The following ROBO2 variants were observed in gnomAD, a reference collection of about 807,000 sequenced individuals.
ROBO2 encodes the protein roundabout homolog 2.
A neutral mutation model predicts 160.8 loss-of-function variants in ROBO2; 53 were observed. That is an observed-to-expected ratio of 0.33 (90% CI 0.26 to 0.41). The LOEUF (loss-of-function observed/expected upper bound fraction) is 0.41, where lower values mean the gene tolerates loss of function less well. Among genes scored for constraint, ROBO2 ranks in the 10% least tolerant of loss-of-function variants. ROBO2 has a pLI of 1.00. For missense variants in ROBO2, 1,577 were observed against 1,722.4 expected (o/e 0.92, Z 1.49); for synonymous variants, 664 against 611.7 (o/e 1.09, Z -1.26).
At chr3:76,969,619 T>C (rs1301346283) in intron 2 of ROBO2, among the ~76,000 whole-genome samples, 2 of 152,302 alleles carry the variant, frequency 1.3e-5, no homozygotes, top group East Asian at 1.9e-4. Flanking sequence ...GGCCACATGC[T>C]GGTTTTCTCT....
intron 5 of ROBO2, among the ~76,000 whole-genome samples, chr3:77,508,482 T>C (rs2088901956): frequency 6.7e-6 from 1 of 148,940 alleles, no homozygotes; most frequent in Non-Finnish European, 1.5e-5. Context: ...AATATATAAA[T>C]ATATTTAAAT....
intron 2 of ROBO2, among the ~76,000 whole-genome samples, chr3:76,099,293 G>A (rs770207206): frequency 6.6e-6 from 1 of 151,852 alleles, no homozygotes; most frequent in Non-Finnish European, 1.5e-5. Context: ...GACAGAATTA[G>A]TATTTAAGGA....
At chr3:77,368,226 T>C (rs1264631562) in intron 2 of ROBO2, among the ~76,000 whole-genome samples, 1 of 143,704 alleles carries the variant, frequency 7.0e-6, no homozygotes, top group East Asian at 2.1e-4. Flanking sequence ...TTTTTTCTTA[T>C]TGAAATTATT....
At chr3:76,787,994 G>T (rs1289016478) in intron 2 of ROBO2, among the ~76,000 whole-genome samples, 1 of 151,256 alleles carries the variant, frequency 6.6e-6, no homozygotes, top group Non-Finnish European at 1.5e-5. Flanking sequence ...GTTGAGAACA[G>T]CTTAGAACAA....
chr3:76,733,959 C>T (rs925635528), intron 2 of ROBO2, among the ~76,000 whole-genome samples: 3 of 152,094 alleles, frequency 2.0e-5, no homozygotes, highest in Admixed American at 1.3e-4. Flanking sequence ...TGAAGGAAAC[C>T]AGAAAGAGCA....
chr3:76,065,486 T>C (rs913604798), intron 2 of ROBO2, among the ~76,000 whole-genome samples: 1 of 152,022 alleles, frequency 6.6e-6, no homozygotes, highest in African/African-American at 2.4e-5. Context: ...TAATTAACTG[T>C]ATTTTGCACT....
intron 2 of ROBO2, among the ~76,000 whole-genome samples, chr3:76,578,344 T>C (rs1441644521): frequency 6.6e-6 from 1 of 152,152 alleles, no homozygotes; most frequent in African/African-American, 2.4e-5. Flanking sequence ...TACTCTCCTG[T>C]CTTGGGTCTC....
At chr3:77,409,114 T>TAC (rs1432182242) in intron 2 of ROBO2, among the ~76,000 whole-genome samples, 1 of 148,186 alleles carries the variant, frequency 6.7e-6, no homozygotes, top group Non-Finnish European at 1.5e-5. Flanking sequence ...TATATATATA[T>TAC]ATATATATAG....
chr3:76,332,009 A>G (rs2073527195), intron 2 of ROBO2, among the ~76,000 whole-genome samples: 1 of 152,208 alleles, frequency 6.6e-6, no homozygotes, highest in Non-Finnish European at 1.5e-5. Flanking sequence ...TTAAACTAAT[A>G]GAAGATTTGT....
chr3:76,186,341 C>T (rs1701761952), intron 2 of ROBO2, among the ~76,000 whole-genome samples: 1 of 152,052 alleles, frequency 6.6e-6, no homozygotes, highest in Non-Finnish European at 1.5e-5. Context: ...TAATTTCTAT[C>T]TCCTTCCCCC....
intron 1 of ROBO2, among the ~76,000 whole-genome samples, chr3:75,920,946 C>T (rs1947016708): frequency 6.6e-6 from 1 of 151,768 alleles, no homozygotes. Context: ...GATGGGTCTC[C>T]TGAATACAGC....
In ROBO2 at chr3:76,684,627, A is replaced by T. The variant is rs180708385; in HGVS notation, c.110-413387A>T. ...ATGCATAAAAATTCTGTCATAAAAC[A>T]TAGAACTGTATTCTACTTCCAAGAA... On this transcript the variant is annotated intron_variant, in intron 2 of 26. Transcript: ENST00000487694. 3.8e-4 allele frequency among the ~76,000 whole-genome samples: 58 copies of T among 152,292 alleles called. 1 individual carries two copies. Among genetic ancestry groups the T allele is most frequent in the African/African-American group, 1.3e-3 (55 of 41,578 alleles).
intron 2 of ROBO2, among the ~76,000 whole-genome samples, chr3:76,342,886 C>T (rs1357131353): frequency 6.6e-6 from 1 of 152,168 alleles, no homozygotes; most frequent in Admixed American, 6.6e-5. Flanking sequence ...ATTAGTGACA[C>T]AGTTGTTTGA....
At chr3:77,083,216 C>T (rs1049941259) in intron 1 of ROBO2, among the ~76,000 whole-genome samples, 5 of 152,146 alleles carry the variant, frequency 3.3e-5, no homozygotes, top group African/African-American at 7.2e-5. Context: ...GACCTCATGG[C>T]AGCCTGAGTA....
intron 2 of ROBO2, among the ~76,000 whole-genome samples, chr3:77,450,804 T>C (rs1193300531): frequency 6.6e-6 from 1 of 152,042 alleles, no homozygotes; most frequent in Non-Finnish European, 1.5e-5. Context: ...TTGTTAGGTA[T>C]TGTATATGCA....
At chr3:77,539,120 A>T (rs866309892) in intron 6 of ROBO2, among the ~76,000 whole-genome samples, 2 of 152,084 alleles carry the variant, frequency 1.3e-5, no homozygotes. Context: ...AGGTTTCACC[A>T]TGTTGCCCAG....
intron 2 of ROBO2, among the ~76,000 whole-genome samples, chr3:76,890,705 C>G (rs1264064692): frequency 6.6e-6 from 1 of 152,154 alleles, no homozygotes; most frequent in East Asian, 1.9e-4. Flanking sequence ...TTGCCACTTA[C>G]TGGACACTCC....
chr3:76,942,889 CTA>C (rs2078284703), intron 2 of ROBO2, among the ~76,000 whole-genome samples: 1 of 152,028 alleles, frequency 6.6e-6, no homozygotes, highest in African/African-American at 2.4e-5. Context: ...TTATTGAATA[CTA>C]TGTTATACTT....
chr3:76,182,843 A>G (rs963306407), intron 2 of ROBO2, among the ~76,000 whole-genome samples: 5 of 152,158 alleles, frequency 3.3e-5, no homozygotes, highest in African/African-American at 1.2e-4. Flanking sequence ...TTACGTTTTC[A>G]ATTACGATAT....
Sources: gnomAD v4.1 joint callset for allele counts (sites outside exome capture counted in the v4.1 genomes callset) on GRCh38, gnomAD v4.1.1 for gene constraint, MANE v1.5 for transcripts, NCBI Gene and HGNC (gene_info 2026-07-23, HGNC 2026-07-21) for gene names.